The following C11orf65 variants were observed in gnomAD, a reference collection of about 807,000 sequenced individuals.
C11orf65 encodes the protein chromosome 11 open reading frame 65, also known as protein MFI.
Under a neutral mutation model 35.3 loss-of-function variants are expected in C11orf65, and 38 were observed. That is an observed-to-expected ratio of 1.08 (90% confidence interval 0.83 to 1.41). C11orf65 has a LOEUF of 1.41. Ranked by LOEUF, C11orf65 falls within the 40% of genes most tolerant of loss-of-function variation. The pLI is 0.00. For missense variants in C11orf65, 370 were observed against 367.1 expected (o/e 1.01, Z -0.06); for synonymous variants, 105 against 114.4 (o/e 0.92, Z 0.53).
At chr11:108,416,648 A>G (rs1034526506) in intron 3 of C11orf65, among the ~76,000 whole-genome samples, 19 of 152,206 alleles carry the variant, frequency 1.2e-4, no homozygotes, top group African/African-American at 4.1e-4. Flanking sequence ...ACTGCACTCC[A>G]GCCTGGGCGA....
chr11:108,362,497 C>G (rs1463276594), intron 2 of C11orf65, among the ~76,000 whole-genome samples: 1,862 of 149,672 alleles, frequency 0.012, 47 homozygotes, highest in African/African-American at 0.042. Context: ...GACACATGCA[C>G]ACGTATGTTT....
At chr11:108,353,556 G>A (rs751238925) in intron 2 of C11orf65, among the ~76,000 whole-genome samples, 1 of 152,188 alleles carries the variant, frequency 6.6e-6, no homozygotes, top group Non-Finnish European at 1.5e-5. Flanking sequence ...GGGTTAAGAA[G>A]TAGTTAGGTT....
intron 2 of C11orf65, among the ~76,000 whole-genome samples, chr11:108,450,741 T>C (rs985321168): frequency 2.0e-5 from 3 of 151,522 alleles, no homozygotes; most frequent in Admixed American, 1.3e-4. Flanking sequence ...AACCTGCACA[T>C]TGTGCACATG....
intron 3 of C11orf65, among the ~76,000 whole-genome samples, chr11:108,429,382 T>C (rs2092953945): frequency 6.7e-6 from 1 of 148,640 alleles, no homozygotes; most frequent in Non-Finnish European, 1.5e-5. Context: ...ATGATTTTAC[T>C]CTTTCTCCTT....
chr11:108,375,780 G>A (rs1224617476), intron 2 of C11orf65, among the ~76,000 whole-genome samples: 1 of 151,904 alleles, frequency 6.6e-6, no homozygotes, highest in Non-Finnish European at 1.5e-5. Context: ...AAAATAAAAG[G>A]ATGGAGGAAG....
chr11:108,401,794 C>A (rs775042570), intron 6 of C11orf65, among the ~76,000 whole-genome samples: 7 of 152,344 alleles, frequency 4.6e-5, no homozygotes, highest in Admixed American at 4.6e-4. Flanking sequence ...TCCTGCTACA[C>A]TACAGTATAC....
rs2137978699 is a variant in C11orf65, at chr11:108,366,676, A to G, written c.226+26532T>C. ...CTTGGCTTTAGGGTTTCCATACCTG[A>G]AGTGTAGCATAAATACTGATAGGAG... On this transcript the variant is annotated intron_variant, in intron 2 of 3. Coordinates refer to the C11orf65 transcript ENST00000524755. 3 of 231,552 alleles carry G rather than the reference A, an allele frequency of 1.3e-5. No individual in the cohort carries two copies. The East Asian group carries it at 1.8e-4, about 14-fold the overall frequency. The allele number at this position is 231,552 out of a possible 1,614,324, so 14.3% of individuals were successfully genotyped here. A position where few individuals can be genotyped will look rare whatever the true frequency, so the allele number is the denominator to read the frequency against.
intron 2 of C11orf65, among the ~76,000 whole-genome samples, chr11:108,344,414 AAGAAAAGATGAGATTGGAGC>A: frequency 6.6e-6 from 1 of 152,326 alleles, no homozygotes; most frequent in East Asian, 1.9e-4. Flanking sequence ...GTGTTTGAGG[AAGAAAAGATGAGATTGGAGC>A]AGTAATTGTT....
rs1300590185 is a variant in C11orf65 at position 108,365,725 on chromosome 11, T to C, written c.226+27483A>G. On this transcript the variant is annotated intron_variant, in intron 2 of 3. Transcript: ENST00000524755. ...TGCTTTCACTCTTTAGAAATAATGGTCATTCGGGCTGGGCGCAGCGGCTCA... is the reference window on the plus strand; with the variant it reads ...TGCTTTCACTCTTTAGAAATAATGGCCATTCGGGCTGGGCGCAGCGGCTCA... 1.2e-5 allele frequency: 8 copies of C among 647,862 alleles called. No individual in the cohort carries two copies. In the East Asian group the frequency reaches 2.4e-4, roughly 19 times the overall value. The allele number at this position is 647,862 out of a possible 1,614,324, so 40.1% of individuals were successfully genotyped here.
chr11:108,412,570 C>T (rs778102532), intron 3 of C11orf65, among the ~76,000 whole-genome samples: 6 of 152,026 alleles, frequency 3.9e-5, no homozygotes, highest in South Asian at 2.1e-4. Context: ...TCTGACTCCA[C>T]GCAAAAAATT....
downstream of C11orf65, among the ~76,000 whole-genome samples, chr11:108,380,928 G>A (rs1365567783): frequency 6.6e-6 from 1 of 152,140 alleles, no homozygotes; most frequent in Non-Finnish European, 1.5e-5. Flanking sequence ...TTCTGACCAA[G>A]GGACCAATTT....
chr11:108,323,108 T>C (rs2085351340), intron 6 of C11orf65, among the ~76,000 whole-genome samples: 1 of 152,122 alleles, frequency 6.6e-6, no homozygotes, highest in African/African-American at 2.4e-5. Flanking sequence ...TATGCAAAAA[T>C]AAAATTTGGA....
chr11:108,349,993 T>C (rs1212217746), intron 2 of C11orf65, among the ~76,000 whole-genome samples: 1 of 152,110 alleles, frequency 6.6e-6, no homozygotes, highest in Non-Finnish European at 1.5e-5. Flanking sequence ...TATTGTGTTT[T>C]TGCTGAGAAA....
downstream of C11orf65, among the ~76,000 whole-genome samples, chr11:108,329,843 GGTTT>G (rs1434751521): frequency 5.3e-5 from 8 of 151,968 alleles, no homozygotes; most frequent in South Asian, 2.1e-4. Flanking sequence ...TTGCTTTTTT[GGTTT>G]GTTTGTTGGT....
At chr11:108,439,275 A>C (rs1349161569) in intron 2 of C11orf65, among the ~76,000 whole-genome samples, 1 of 152,254 alleles carries the variant, frequency 6.6e-6, no homozygotes, top group African/African-American at 2.4e-5. Flanking sequence ...TCAAAACTGC[A>C]ATGAGATACG....
chr11:108,344,690 G>C (rs2088073158), intron 2 of C11orf65, among the ~76,000 whole-genome samples: 1 of 152,054 alleles, frequency 6.6e-6, no homozygotes, highest in Admixed American at 6.6e-5. Flanking sequence ...AGAATTCATA[G>C]GATTTGATTG....
At chr11:108,330,546 G>C, downstream of C11orf65, 1 of 924,968 alleles carries the variant, frequency 1.1e-6, no homozygotes. Context: ...CTACACATAA[G>C]TAGCATTTTG....
At chr11:108,454,698 G>C (rs1011381798) in intron 2 of C11orf65, among the ~76,000 whole-genome samples, 1 of 152,058 alleles carries the variant, frequency 6.6e-6, no homozygotes, top group Non-Finnish European at 1.5e-5. Context: ...GGGCTAAAGT[G>C]ATCTTTCTGC....
At chr11:108,375,135 A>G (rs2091687635) in intron 2 of C11orf65, among the ~76,000 whole-genome samples, 1 of 152,064 alleles carries the variant, frequency 6.6e-6, no homozygotes. Context: ...AAATACAGAG[A>G]ACGCCACAAA....
Sources: gnomAD v4.1 joint callset for allele counts (sites outside exome capture counted in the v4.1 genomes callset) on GRCh38, gnomAD v4.1.1 for gene constraint, MANE v1.5 for transcripts, NCBI Gene and HGNC (gene_info 2026-07-23, HGNC 2026-07-21) for gene names.